The following MMAB variants were observed in gnomAD, a reference collection of about 807,000 sequenced individuals.
MMAB encodes metabolism of cobalamin associated B, also known as corrinoid adenosyltransferase MMAB.
MMAB carries 17 observed loss-of-function variants against 30.6 expected under a neutral mutation model. The ratio of observed to expected loss-of-function variants is 0.56; its 90% CI spans 0.38 to 0.83. The LOEUF (loss-of-function observed/expected upper bound fraction) is 0.83, where lower values mean the gene tolerates loss of function less well. Among genes scored for constraint, MMAB ranks in the 40% least tolerant of loss-of-function variants. The pLI, the probability that MMAB is intolerant of heterozygous loss-of-function variation, is 0.00. For synonymous variants in MMAB, 134 were observed against 138.6 expected, an observed-to-expected ratio of 0.97 and a Z score of 0.23; for missense variants, 311 against 331.6, an observed-to-expected ratio of 0.94 and a Z score of 0.48.
rs762404377 is a variant in MMAB, at chr12:109,565,141, G to A, written c.326C>T (p.Thr109Ile). ...ALELVTEKGH[T>I]FAEELQKIQC... ...CACTTTCTGAAGCTCTTCGGCAAAT[G>A]TATGGCCCTTTTCTGTGACTAATTC... is the stretch of plus-strand genomic sequence containing the variant. The change falls in exon 4 of 9, where the codon ACA becomes ATA. Residue 109 changes from threonine to isoleucine, a missense_variant. Physicochemically the swap from Thr to Ile is moderately conservative, Grantham distance 89. Coordinates refer to ENST00000545712, the MANE Select transcript of MMAB (RefSeq NM_052845.4). The A allele has an allele frequency of 1.1e-5, 17 of 1,614,030 alleles. No homozygotes were observed. The Admixed American group carries it at 1.3e-4, about 13-fold the overall frequency.
In MMAB at chr12:109,554,614, G is replaced by A. The variant is rs111777996; in HGVS notation, c.*2414C>T. ...ATTGTTTCTGAGAGTTGCCAGTGGT[G>A]TGCAAACACTGGGGCAGCGGGGGCT... On this transcript the variant is annotated 3_prime_UTR_variant, in exon 9 of 9. Coordinates refer to ENST00000545712, the MANE Select transcript of MMAB (RefSeq NM_052845.4). 3.3e-5 allele frequency: 15 copies of A among 454,134 alleles called. No individual in the cohort carries two copies. The highest frequency in any genetic ancestry group is 1.6e-4 in the African/African-American group (8 of 50,138). The allele number at this position is 454,134 out of a possible 1,614,324, so 28.1% of individuals were successfully genotyped here. A position where few individuals can be genotyped will look rare whatever the true frequency, so the allele number is the denominator to read the frequency against.
Position 109,558,948 on chromosome 12 carries a change from C to A in MMAB, c.644+148G>T, listed in dbSNP as rs563628046. ...CCTGTGCCCGGCGTGGTGCCTGGCA[C>A]AGAGCAGATGTTCATAAACACTAAG... On this transcript the variant is annotated intron_variant, in intron 8 of 8. Coordinates refer to ENST00000545712, the MANE Select transcript of MMAB (RefSeq NM_052845.4). The surrounding 1 kb of genome is among the most constrained non-coding windows in gnomAD (Gnocchi z 4.3). The A allele has an allele frequency of 6.5e-5, 45 of 693,616 alleles. No homozygotes were observed. The South Asian group carries it at 6.7e-4, about 10-fold the overall frequency. 43.0% of individuals were successfully genotyped at this position (693,616 alleles called of 1,614,324 possible). A position where few individuals can be genotyped will look rare whatever the true frequency, so the allele number is the denominator to read the frequency against.
At position 109,573,429 on chromosome 12, in the gene MMAB, G is replaced by T. The variant is rs374802787; in HGVS notation, c.52C>A (p.Leu18Met). ...SRLGLGSRLGLRGCFGAARLL... is the reference protein window; with the variant it reads ...SRLGLGSRLGMRGCFGAARLL... The stretch of plus-strand genomic sequence containing the variant: ...CTGGCGGCGCCGAAGCACCCGCGCA[G>T]GCCAAGACGGCTCCCCAGGCCAAGA... The change falls in exon 1 of 9, where the codon CTG (leucine) becomes ATG (methionine). Residue 18 changes from leucine (L) to methionine (M), a missense_variant. Leu to Met is a conservative substitution (Grantham distance 15). Coordinates refer to ENST00000545712, the MANE Select transcript of MMAB (RefSeq NM_052845.4). The T allele has an allele frequency of 2.4e-5, 38 of 1,607,134 alleles. 1 individual carries two copies. The highest frequency in any genetic ancestry group is 2.2e-4 in the Admixed American group (13 of 59,662).
At position 109,555,898 on chromosome 12, in the gene MMAB, G is replaced by T; in HGVS notation, c.*1130C>A. The T allele has an allele frequency of 4.4e-6, 2 of 454,106 alleles. No individual in the cohort carries two copies. The highest frequency in any genetic ancestry group is 8.8e-6 in the Non-Finnish European group (2 of 226,792). 28.1% of individuals were successfully genotyped at this position (454,106 alleles called of 1,614,324 possible). A position where few individuals can be genotyped will look rare whatever the true frequency, so the allele number is the denominator to read the frequency against. ...TGGCCGGAAAGACCAGCTGTCCCGA[G>T]CCTAGCGCGGTGGCCCATGCTAAGC... On this transcript the variant is annotated 3_prime_UTR_variant, in exon 9 of 9. Transcript: ENST00000545712.
chr12:109,555,560 C>T lies in MMAB; in HGVS notation c.*1468G>A, dbSNP rs1228894697. On this transcript the variant is annotated 3_prime_UTR_variant, in exon 9 of 9. Coordinates refer to ENST00000545712, the MANE Select transcript of MMAB (RefSeq NM_052845.4). ...CTGCCTGCCTCGGCCTCCCAAAGTC[C>T]GTTTTCAGCTCTGTTTTGCAAACAC... 4.5e-6 allele frequency: 2 copies of T among 448,838 alleles called. No homozygotes were observed. Among genetic ancestry groups the T allele is most frequent in the East Asian group, 7.0e-5 (1 of 14,308 alleles). 27.8% of individuals were successfully genotyped at this position (448,838 alleles called of 1,614,324 possible).
At position 109,571,659 on chromosome 12, in the gene MMAB, C is replaced by T. The variant is rs769514842; in HGVS notation, c.186G>A (p.Thr62=). The T allele has an allele frequency of 8.1e-6, 13 of 1,613,972 alleles. No individual in the cohort carries two copies. The highest frequency in any genetic ancestry group is 1.3e-5 in the African/African-American group (1 of 74,908). Residue 62 remains threonine, a synonymous_variant, in exon 2 of 9, where the codon ACG becomes ACA. Coordinates refer to ENST00000545712, the MANE Select transcript of MMAB (RefSeq NM_052845.4). ...CTGTCCCCACCCTACCTTTGTCTCC[C>T]GTTTTGGTGTAAATCTTGGGGATCC... ...TPRIPKIYTK[T]GDKGFSSTFT... is the part of the protein sequence containing the mutation.
Position 109,571,663 on chromosome 12 carries a change from T to C in MMAB, c.182A>G (p.Lys61Arg), listed in dbSNP as rs767626783. The C allele has an allele frequency of 1.2e-6, 2 of 1,614,188 alleles. No individual in the cohort carries two copies. Among genetic ancestry groups the C allele is most frequent in the Non-Finnish European group, 1.7e-6 (2 of 1,179,990 alleles). Residue 61 changes from lysine to arginine, a missense_variant, in exon 2 of 9, where the codon AAA becomes AGA. Lys to Arg is a conservative substitution (Grantham distance 26). Coordinates refer to ENST00000545712, the MANE Select transcript of MMAB (RefSeq NM_052845.4). The part of the protein sequence containing the change: ...KTPRIPKIYT[K>R]TGDKGFSSTF... The stretch of plus-strand genomic sequence containing the variant: ...CCCCACCCTACCTTTGTCTCCCGTT[T>C]TGGTGTAAATCTTGGGGATCCTGGG...
At chr12:109,568,716 G>T in intron 3 of MMAB, 54 bp downstream of exon 3, 1 of 1,329,466 alleles carries the variant, frequency 7.5e-7, no homozygotes, top group Non-Finnish European at 1.1e-6. Context: ...CATTCATTAC[G>T]TTTACTCATA....
At position 109,558,708 on chromosome 12, in the gene MMAB, A is replaced by G. The variant is rs1884075609; in HGVS notation, c.644+388T>C. ...TGCTGCCGCAGGCCCTCTCGGGGAC[A>G]GGAAACTGGCTGAGAGAGGGCCTGA... On this transcript the variant is annotated intron_variant, in intron 8 of 8. Coordinates refer to ENST00000545712, the MANE Select transcript of MMAB (RefSeq NM_052845.4). This position sits in a 1 kb window ranked among gnomAD's most constrained non-coding sequence, Gnocchi z 4.3. Among the ~76,000 whole-genome samples, 1 of 151,882 alleles carries G rather than the reference A, an allele frequency of 6.6e-6. No homozygotes were observed. The highest frequency in any genetic ancestry group is 6.6e-5 in the Admixed American group (1 of 15,258).
rs1042670368 is a variant in MMAB, at chr12:109,569,787, G to A, written c.197-924C>T. Among the ~76,000 whole-genome samples, 2 of 152,196 alleles carry A rather than the reference G, an allele frequency of 1.3e-5. No homozygotes were observed. The highest frequency in any genetic ancestry group is 2.4e-5 in the African/African-American group (1 of 41,420). On this transcript the variant is annotated intron_variant, in intron 2 of 8. Transcript: ENST00000545712. This position sits in a 1 kb window ranked among gnomAD's most constrained non-coding sequence, Gnocchi z 4.1. Reference sequence around the variant, plus strand: ...AGACAGGCCACTCTATGACTATGACGGTTCGAGACCAAGACAAGGCCACTG... The same window carrying A: ...AGACAGGCCACTCTATGACTATGACAGTTCGAGACCAAGACAAGGCCACTG...
chr12:109,562,540 G>A (rs769308452), intron 4 of MMAB, among the ~76,000 whole-genome samples: 2 of 152,180 alleles, frequency 1.3e-5, no homozygotes, highest in Admixed American at 6.5e-5. Flanking sequence ...CAGATGACAC[G>A]CATCACACAC....
Position 109,553,883 on chromosome 12 carries a change from TGACGGG to T in MMAB, c.*3139_*3144del. The T allele has an allele frequency of 2.2e-6, 1 of 454,122 alleles. No homozygotes were observed. Among genetic ancestry groups the T allele is most frequent in the South Asian group, 1.6e-5 (1 of 64,480 alleles). The allele number at this position is 454,122 out of a possible 1,614,324, so 28.1% of individuals were successfully genotyped here. ...GCAGCAGCAAGGGTGACATTGCCAC[TGACGGG>T]GGCTTCCGAACTGGGGACGTTTGTC... On this transcript the variant is annotated 3_prime_UTR_variant, in exon 9 of 9. Coordinates refer to ENST00000545712, the MANE Select transcript of MMAB (RefSeq NM_052845.4).
intron 2 of MMAB, 75 bp from the exon 3 acceptor site, chr12:109,568,938 TTCAAAGA>T: frequency 9.3e-7 from 1 of 1,069,860 alleles, no homozygotes; most frequent in Non-Finnish European, 1.4e-6. Flanking sequence ...TTTTTAAACT[TTCAAAGA>T]TTTTAAAGAA....
rs1884737675 is a variant in MMAB, at chr12:109,573,395, T to C, written c.86A>G (p.Tyr29Cys). The C allele has an allele frequency of 6.2e-7, 1 of 1,611,988 alleles. No individual in the cohort carries two copies. The part of the protein sequence containing the change: ...RGCFGAARLL[Y>C]PRFQSRGPQG... ...AGGGCCGCGGCTCTGGAAACGGGGA[T>C]ACAGGAGCCTGGCGGCGCCGAAGCA... is the stretch of plus-strand genomic sequence containing the variant. The change falls in exon 1 of 9, where the codon TAT becomes TGT. Residue 29 changes from tyrosine to cysteine, a missense_variant. By Grantham distance (194) the Tyr-to-Cys change is radical. Coordinates refer to ENST00000545712, the MANE Select transcript of MMAB (RefSeq NM_052845.4).
At chr12:109,573,296 C>T in intron 1 of MMAB, 51 bp downstream of exon 1, 3 of 1,611,398 alleles carry the variant, frequency 1.9e-6, no homozygotes, top group Non-Finnish European at 2.5e-6. Context: ...ATGGCGACGA[C>T]ACCACGATTC....
intron 8 of MMAB, among the ~76,000 whole-genome samples, chr12:109,557,932 C>A (rs1884036566): frequency 6.6e-6 from 1 of 152,244 alleles, no homozygotes; most frequent in African/African-American, 2.4e-5. Context: ...AGGACGACGC[C>A]ACGGGCCCCA....
At position 109,554,200 on chromosome 12, in the gene MMAB, C is replaced by T. The variant is rs1343160141; in HGVS notation, c.*2828G>A. The T allele has an allele frequency of 1.3e-5, 6 of 453,398 alleles. No individual in the cohort carries two copies. The highest frequency in any genetic ancestry group is 2.7e-5 in the Non-Finnish European group (6 of 226,298). 28.1% of individuals were successfully genotyped at this position (453,398 alleles called of 1,614,324 possible). A position where few individuals can be genotyped will look rare whatever the true frequency, so the allele number is the denominator to read the frequency against. On this transcript the variant is annotated 3_prime_UTR_variant, in exon 9 of 9. Transcript: ENST00000545712. ...AACTTGGTTCCCCACCCAATGCCTC[C>T]TTCCAGGGCTGCTATGGGGTTCAAA...
At chr12:109,563,617 C>A (rs554235387) in intron 4 of MMAB, among the ~76,000 whole-genome samples, 1 of 152,336 alleles carries the variant, frequency 6.6e-6, no homozygotes, top group East Asian at 1.9e-4. Flanking sequence ...CCAGGGAAGG[C>A]CCTTGAGGAG....
At chr12:109,559,040 T>C in intron 8 of MMAB, 56 bp downstream of exon 8, 2 of 1,378,426 alleles carry the variant, frequency 1.5e-6, no homozygotes, top group South Asian at 1.2e-5. Flanking sequence ...CCGCTGCTAC[T>C]TCCCACAGAT....
Sources: gnomAD v4.1 joint callset for allele counts (sites outside exome capture counted in the v4.1 genomes callset) on GRCh38, gnomAD v4.1.1 for gene constraint, Gnocchi (gnomAD v3.1) non-coding constraint, MANE v1.5 for transcripts, NCBI Gene and HGNC (gene_info 2026-07-23, HGNC 2026-07-21) for gene names.